Variants in RASGRP3 observed in about 807,000 individuals in gnomAD.
The protein encoded by RASGRP3 is ras guanyl-releasing protein 3.
Under a neutral mutation model 82.7 loss-of-function variants are expected in RASGRP3, and 54 were observed. That is an observed-to-expected ratio of 0.65 (90% CI 0.52 to 0.82). The LOEUF (loss-of-function observed/expected upper bound fraction) is 0.82. RASGRP3 is among the 40% of genes least tolerant of loss of function. The probability of loss-of-function intolerance (pLI) is 0.00; values close to 1 mark genes in which losing one functional copy is unlikely to be tolerated. For missense variants in RASGRP3, 861 were observed against 828.9 expected (o/e 1.04, Z -0.48); for synonymous variants, 309 against 300.5 (o/e 1.03, Z -0.29).
chr2:33,550,480 C>T (rs998326372), intron 14 of RASGRP3, among the ~76,000 whole-genome samples: 2 of 152,186 alleles, frequency 1.3e-5, no homozygotes, highest in East Asian at 1.9e-4. Context: ...ATGCTTCCTT[C>T]CCCCACCTTT....
chr2:33,532,392 C>T (rs1362759551), intron 10 of RASGRP3: 2 of 152,136 alleles, frequency 1.3e-5, no homozygotes, highest in Non-Finnish European at 2.9e-5. Context: ...GGTGTCAGGT[C>T]CCACTTATCA....
intron 1 of RASGRP3, among the ~76,000 whole-genome samples, chr2:33,440,042 G>C (rs569724912): frequency 6.6e-6 from 1 of 152,266 alleles, no homozygotes; most frequent in African/African-American, 2.4e-5. Flanking sequence ...AGGATGTTAT[G>C]TTTTATGGCT....
At chr2:33,492,879 A>C (rs79197397) in intron 1 of RASGRP3, among the ~76,000 whole-genome samples, 2,192 of 152,258 alleles carry the variant, frequency 0.014, 50 homozygotes, top group African/African-American at 0.05. Context: ...CATTCTAGTG[A>C]GCAAATGTTC....
At chr2:33,549,985 G>A (rs1675209615) in intron 14 of RASGRP3, among the ~76,000 whole-genome samples, 1 of 152,168 alleles carries the variant, frequency 6.6e-6, no homozygotes, top group Admixed American at 6.5e-5. Flanking sequence ...TCAAGAGAGT[G>A]GTTTTGTTTA....
At chr2:33,547,833 A>AG (rs1474478869) in intron 13 of RASGRP3, among the ~76,000 whole-genome samples, 1 of 151,714 alleles carries the variant, frequency 6.6e-6, no homozygotes, top group African/African-American at 2.4e-5. Context: ...GAGAAGGGGG[A>AG]GCTGGAGAGG....
chr2:33,519,335 G>T (rs916319848), intron 4 of RASGRP3, among the ~76,000 whole-genome samples: 1 of 152,070 alleles, frequency 6.6e-6, no homozygotes, highest in Non-Finnish European at 1.5e-5. Flanking sequence ...AGTGTTTCTC[G>T]GCCAGGCGCG....
intron 14 of RASGRP3, among the ~76,000 whole-genome samples, chr2:33,553,709 C>T (rs1675596407): frequency 6.6e-6 from 1 of 152,166 alleles, no homozygotes; most frequent in Non-Finnish European, 1.5e-5. Context: ...AGACAAAATA[C>T]TGCTCTGTCC....
At chr2:33,513,491 G>A (rs1296042891) in intron 2 of RASGRP3, among the ~76,000 whole-genome samples, 1 of 152,216 alleles carries the variant, frequency 6.6e-6, no homozygotes, top group African/African-American at 2.4e-5. Context: ...CATAGGTCAG[G>A]TGCTCAATGA....
chr2:33,480,685 A>G (rs911353023), intron 1 of RASGRP3, among the ~76,000 whole-genome samples: 2 of 152,150 alleles, frequency 1.3e-5, no homozygotes, highest in Non-Finnish European at 2.9e-5. Context: ...TTTTTGCCCA[A>G]TTGTGTGTTT....
intron 1 of RASGRP3, among the ~76,000 whole-genome samples, chr2:33,447,336 C>CTAGG (rs1373933576): frequency 1.3e-5 from 2 of 152,124 alleles, no homozygotes; most frequent in Non-Finnish European, 2.9e-5. Context: ...CTGCTGGGAA[C>CTAGG]TAGGGCTGTT....
At chr2:33,554,017 G>A (rs1464093757) in intron 14 of RASGRP3, among the ~76,000 whole-genome samples, 2 of 152,182 alleles carry the variant, frequency 1.3e-5, no homozygotes, top group Non-Finnish European at 2.9e-5. Context: ...GATTACAGGC[G>A]TGAGCCACCG....
Position 33,539,110 on chromosome 2 carries a change from C to T in RASGRP3, c.1178C>T (p.Thr393Met), listed in dbSNP as rs746238359. ...GTTTATCAGCAGCCTACCTCCCCTA[C>T]GACGCCCAACAAGCCTGTGGTACCC... is the stretch of plus-strand genomic sequence containing the variant. ...RNSKSQPTSP[T>M]TPNKPVVPLE... The change falls in exon 12 of 18, where the codon ACG becomes ATG. Residue 393 changes from threonine to methionine, a missense_variant. Transcript: ENST00000403687. 2.0e-5 allele frequency: 32 copies of T among 1,606,818 alleles called. No homozygotes were observed. Among genetic ancestry groups the T allele is most frequent in the African/African-American group, 6.7e-5 (5 of 74,656 alleles).
intron 10 of RASGRP3, chr2:33,533,506 A>T (rs991220744): frequency 6.6e-6 from 1 of 152,264 alleles, no homozygotes; most frequent in South Asian, 2.1e-4. Flanking sequence ...TGTGTGAAAT[A>T]CTTTACATGC....
At chr2:33,494,237 C>G (rs887814310) in intron 1 of RASGRP3, among the ~76,000 whole-genome samples, 16 of 152,190 alleles carry the variant, frequency 1.1e-4, no homozygotes, top group African/African-American at 3.6e-4. Context: ...GTTGGAGCTA[C>G]GGTTTTCTCT....
Position 33,558,867 on chromosome 2 carries a change from C to T in RASGRP3, c.1901C>T (p.Pro634Leu), listed in dbSNP as rs1432812945. 6.2e-7 allele frequency: 1 copy of T among 1,614,020 alleles called. No homozygotes were observed. The highest frequency in any genetic ancestry group is 1.1e-5 in the South Asian group (1 of 91,068). The change falls in exon 17 of 18, where the codon CCT (proline) becomes CTT (leucine). Residue 634 changes from proline (P) to leucine (L), a missense_variant. Transcript: ENST00000403687. ...GGGGACTCGGGGTCCCACACCTTCC[C>T]TAAAATGAAATCCAAGTTCCATGAC... is the stretch of plus-strand genomic sequence containing the variant. ...GWGDSGSHTF[P>L]KMKSKFHDKA... is the part of the protein sequence containing the mutation.
chr2:33,499,774 A>AGG (rs1553344672), intron 1 of RASGRP3, among the ~76,000 whole-genome samples: 1 of 119,628 alleles, frequency 8.4e-6, no homozygotes, highest in Non-Finnish European at 1.6e-5. Flanking sequence ...AAAAAAAAAA[A>AGG]GAGAGGATAA....
In RASGRP3 at chr2:33,515,388, G is replaced by T. The variant is rs115337971; in HGVS notation, c.70+182G>T. ...CCCTCCATATTTCTTTCCCTTTACT[G>T]CCCACAGCTCATACCCCAGTCAAAC... On this transcript the variant is annotated intron_variant, in intron 3 of 17. Coordinates refer to ENST00000403687, the MANE Select transcript of RASGRP3 (RefSeq NM_001139488.2). 8.5e-3 allele frequency among the ~76,000 whole-genome samples: 1,293 copies of T among 152,040 alleles called. 27 individuals carry two copies. Among genetic ancestry groups the T allele is most frequent in the African/African-American group, 0.03 (1,231 of 41,434 alleles).
intron 13 of RASGRP3, among the ~76,000 whole-genome samples, chr2:33,544,577 A>G (rs1043693069): frequency 1.3e-5 from 2 of 152,172 alleles, no homozygotes; most frequent in South Asian, 4.1e-4. Context: ...TGTTAATAGT[A>G]CGAGATTAGT....
chr2:33,537,332 A>ACCCCC (rs1558501748), intron 11 of RASGRP3, among the ~76,000 whole-genome samples: 1 of 70,718 alleles, frequency 1.4e-5, no homozygotes. Flanking sequence ...CGCCCCCCCC[A>ACCCCC]CACACACACA....
Sources: allele counts gnomAD v4.1 joint callset (sites outside exome capture counted in the v4.1 genomes callset), GRCh38; gene constraint gnomAD v4.1.1; transcripts MANE v1.5; gene names NCBI Gene and HGNC (gene_info 2026-07-23, HGNC 2026-07-21).